Variants in SNTA1 observed in about 807,000 individuals in gnomAD.
The protein encoded by SNTA1 is alpha-1-syntrophin.
SNTA1 carries 31 observed loss-of-function variants against 47.1 expected under a neutral mutation model. The observed-to-expected ratio is 0.66, with a 90% CI of 0.49 to 0.89. The LOEUF is 0.89. Ranked by LOEUF, SNTA1 falls within the 40% of genes least tolerant of loss-of-function variation. SNTA1 has a pLI of 0.00. For synonymous variants in SNTA1, 300 were observed against 313.6 expected (o/e 0.96, Z 0.46); for missense variants, 575 against 693.0 (o/e 0.83, Z 1.91).
chr20:33,431,188 G>T (rs1600857178), intron 2 of SNTA1, among the ~76,000 whole-genome samples: 1 of 152,170 alleles, frequency 6.6e-6, no homozygotes, highest in East Asian at 1.9e-4. Context: ...TTGAGCCCAG[G>T]AAGTCGAGGC....
intron 2 of SNTA1, among the ~76,000 whole-genome samples, chr20:33,432,534 A>AGC (rs1249622150): frequency 6.6e-6 from 1 of 152,226 alleles, no homozygotes; most frequent in African/African-American, 2.4e-5. Flanking sequence ...GCTGAGAGAC[A>AGC]AGCTACATGT....
Position 33,410,128 on chromosome 20 carries a change from A to T in SNTA1, c.1237+7T>A. On this transcript the variant is annotated splice_region_variant and intron_variant, in intron 6 of 7. Coordinates refer to ENST00000217381, the MANE Select transcript of SNTA1 (RefSeq NM_003098.3). ...CAGAGGGACACTCCCAGATCCTCCCAGCACACCTGTAGACACCTCCTGCAC... is the reference window on the plus strand; with the variant it reads ...CAGAGGGACACTCCCAGATCCTCCCTGCACACCTGTAGACACCTCCTGCAC... 6.2e-7 allele frequency: 1 copy of T among 1,614,192 alleles called. No individual in the cohort carries two copies. The highest frequency in any genetic ancestry group is 8.5e-7 in the Non-Finnish European group (1 of 1,179,988).
intron 2 of SNTA1, among the ~76,000 whole-genome samples, chr20:33,421,179 A>T (rs1012567778): frequency 6.6e-6 from 1 of 151,906 alleles, no homozygotes; most frequent in African/African-American, 2.4e-5. Flanking sequence ...CTCAAAAAAA[A>T]AAAAAAGAGA....
At position 33,422,164 on chromosome 20, in the gene SNTA1, G is replaced by A. The variant is rs115771184; in HGVS notation, c.497-4241C>T. Among the ~76,000 whole-genome samples, 1,172 of 151,192 alleles carry A rather than the reference G, an allele frequency of 7.8e-3. 10 individuals are homozygous for A. The highest frequency in any genetic ancestry group is 0.027 in the African/African-American group (1,093 of 41,214). On this transcript the variant is annotated intron_variant, in intron 2 of 7. Coordinates refer to ENST00000217381, the MANE Select transcript of SNTA1 (RefSeq NM_003098.3). ...CTGGGAACTCCTAAAAGAAATTGCC[G>A]GGCACAGTGCCTCACGCCTGTAATC... is the stretch of plus-strand genomic sequence containing the variant.
At position 33,439,091 on chromosome 20, in the gene SNTA1, GAC is replaced by G. The variant is rs1483497745; in HGVS notation, c.311-67_311-66del. ...CTCCAACACTTGGGAGTCACATCAAGACACAATTATTTCTGAAGGCTTCCCTT... is the reference window on the plus strand; with the variant it reads ...CTCCAACACTTGGGAGTCACATCAAGACAATTATTTCTGAAGGCTTCCCTT... On this transcript the variant is annotated intron_variant, in intron 1 of 7. Transcript: ENST00000217381. 9.1e-6 allele frequency: 13 copies of G among 1,421,260 alleles called. No homozygotes were observed. The African/African-American group carries it at 1.7e-4, about 18-fold the overall frequency. The allele number at this position is 1,421,260 out of a possible 1,614,324, so 88.0% of individuals were successfully genotyped here. A position where few individuals can be genotyped will look rare whatever the true frequency, so the allele number is the denominator to read the frequency against.
intron 2 of SNTA1, among the ~76,000 whole-genome samples, chr20:33,418,700 G>A (rs775726412): frequency 1.3e-5 from 2 of 149,356 alleles, no homozygotes; most frequent in Non-Finnish European, 1.5e-5. Context: ...GGCTGAGGCA[G>A]GAGAATCACT....
At position 33,417,910 on chromosome 20, in the gene SNTA1, C is replaced by G. The variant is rs1989917505; in HGVS notation, c.510G>C (p.Lys170Asn). ...AGTTCTTGAAATACGGTGAGACGTC[C>G]TTCATATACTTGACTGATTGGGAGA... is the stretch of plus-strand genomic sequence containing the variant. ...KEVVLEVKYMKDVSPYFKNST... is the reference protein window; with the variant it reads ...KEVVLEVKYMNDVSPYFKNST... The change falls in exon 3 of 8, where the codon AAG becomes AAC. Residue 170 changes from lysine (K) to asparagine (N), a missense_variant. By Grantham distance (94) the Lys-to-Asn change is moderately conservative (BLOSUM62 0). Coordinates refer to ENST00000217381, the MANE Select transcript of SNTA1 (RefSeq NM_003098.3). 6.2e-7 allele frequency: 1 copy of G among 1,612,784 alleles called. No individual in the cohort carries two copies. The highest frequency in any genetic ancestry group is 1.7e-5 in the Admixed American group (1 of 59,956).
Position 33,412,685 on chromosome 20 carries a change from G to C in SNTA1, c.799C>G (p.Gln267Glu), listed in dbSNP as rs1730381979. 1 of 1,613,738 alleles carries C rather than the reference G, an allele frequency of 6.2e-7. No individual in the cohort carries two copies. The highest frequency in any genetic ancestry group is 8.5e-7 in the Non-Finnish European group (1 of 1,180,000). The change falls in exon 4 of 8, where the codon CAG (glutamine) becomes GAG (glutamate). Residue 267 changes from glutamine to glutamate, a missense_variant. By Grantham distance (29) the Gln-to-Glu change is conservative. Coordinates refer to ENST00000217381, the MANE Select transcript of SNTA1 (RefSeq NM_003098.3). ...ARSWATAIQA[Q>E]VNTLTPRVKD... is the part of the protein sequence containing the mutation. ...ACCCGCGGCGTCAGAGTATTGACCTGGGCTTGGATGGCAGTCGCCCACGAC... is the reference window on the plus strand; with the variant it reads ...ACCCGCGGCGTCAGAGTATTGACCTCGGCTTGGATGGCAGTCGCCCACGAC...
intron 1 of SNTA1, 151 bp downstream of exon 1, chr20:33,443,160 G>A (rs970274393): frequency 2.9e-5 from 14 of 485,716 alleles, no homozygotes; most frequent in Middle Eastern, 1.2e-3. Flanking sequence ...ACCTTGGTGT[G>A]CCCAGTGCCC....
intron 2 of SNTA1, among the ~76,000 whole-genome samples, chr20:33,436,898 GGA>G (rs1990453202): frequency 6.6e-6 from 1 of 151,034 alleles, no homozygotes; most frequent in Non-Finnish European, 1.5e-5. Context: ...CCTGGAAGGC[GGA>G]GGATGCAGTG....
At chr20:33,442,482 T>C (rs916157051) in intron 1 of SNTA1, among the ~76,000 whole-genome samples, 4 of 152,144 alleles carry the variant, frequency 2.6e-5, no homozygotes, top group Admixed American at 6.6e-5. Flanking sequence ...CTGGCCTCCA[T>C]TTTTCCTCTC....
chr20:33,422,588 G>T (rs1246755755), intron 2 of SNTA1, among the ~76,000 whole-genome samples: 1 of 152,036 alleles, frequency 6.6e-6, no homozygotes, highest in African/African-American at 2.4e-5. Flanking sequence ...GAGCAGCCTG[G>T]GCAACATGGC....
At position 33,441,851 on chromosome 20, in the gene SNTA1, G is replaced by A. The variant is rs1358722718; in HGVS notation, c.310+1460C>T. ...GTTCCTTCCTGCTTTGACACACTGA[G>A]TGTATAATTTTTGGATTCATCTGTT... On this transcript the variant is annotated intron_variant, in intron 1 of 7. Transcript: ENST00000217381. 9.2e-5 allele frequency among the ~76,000 whole-genome samples: 14 copies of A among 152,270 alleles called. No individual in the cohort carries two copies. In the East Asian group the frequency reaches 2.5e-3, roughly 27 times the overall value.
In SNTA1 at chr20:33,443,412, G is replaced by T; in HGVS notation, c.209C>A (p.Pro70Gln). Residue 70 changes from proline to glutamine, a missense_variant, in exon 1 of 8, where the codon CCG becomes CAG. Pro to Gln is a moderately conservative substitution (Grantham distance 76). Coordinates refer to ENST00000217381, the MANE Select transcript of SNTA1 (RefSeq NM_003098.3). ...TGGCAGCTGCGGGGGCCCGGCGCCC[G>T]GCTCCGCGGCGCCGTTGAGCTGCGC... The part of the protein sequence containing the change: ...EPAQLNGAAE[P>Q]GAGPPQLPEA... The T allele has an allele frequency of 2.2e-6, 3 of 1,341,660 alleles. No individual in the cohort carries two copies. The highest frequency in any genetic ancestry group is 2.8e-6 in the Non-Finnish European group (3 of 1,054,304). 83.1% of individuals were successfully genotyped at this position (1,341,660 alleles called of 1,614,324 possible).
At chr20:33,434,013 A>G (rs111237678) in intron 2 of SNTA1, among the ~76,000 whole-genome samples, 2,488 of 152,248 alleles carry the variant, frequency 0.016, 61 homozygotes, top group African/African-American at 0.056. Context: ...TGAGCTGGAA[A>G]AATATCCAGT....
chr20:33,418,563 C>A (rs1475886085), intron 2 of SNTA1, among the ~76,000 whole-genome samples: 1 of 150,978 alleles, frequency 6.6e-6, no homozygotes, highest in Non-Finnish European at 1.5e-5. Flanking sequence ...GAGGCCAAGG[C>A]GGGCAGATCA....
intron 2 of SNTA1, among the ~76,000 whole-genome samples, chr20:33,433,750 G>A (rs535572567): frequency 7.9e-5 from 12 of 152,228 alleles, no homozygotes; most frequent in Middle Eastern, 3.4e-3. Flanking sequence ...TCGAAGCAGC[G>A]GACAGACACT....
At chr20:33,411,526 T>G (rs978769998) in intron 5 of SNTA1, among the ~76,000 whole-genome samples, 2 of 152,184 alleles carry the variant, frequency 1.3e-5, no homozygotes, top group Non-Finnish European at 2.9e-5. Context: ...CTCTCCTGCA[T>G]GACTGCAGCA....
chr20:33,427,924 T>A (rs965346260), intron 2 of SNTA1, among the ~76,000 whole-genome samples: 13 of 151,992 alleles, frequency 8.6e-5, no homozygotes, highest in African/African-American at 2.9e-4. Flanking sequence ...TTTTTTTTTT[T>A]AATTTGTAGA....
Sources: gnomAD v4.1 joint callset for allele counts (sites outside exome capture counted in the v4.1 genomes callset) on GRCh38, gnomAD v4.1.1 for gene constraint, MANE v1.5 for transcripts, NCBI Gene and HGNC (gene_info 2026-07-23, HGNC 2026-07-21) for gene names.